The following KTN1 variants were observed in gnomAD, a reference collection of about 807,000 sequenced individuals.
KTN1 encodes kinectin.
Under a neutral mutation model 222.5 loss-of-function variants are expected in KTN1, and 130 were observed. That is an observed-to-expected ratio of 0.58 (90% confidence interval 0.51 to 0.68). KTN1 has a LOEUF of 0.68. Among genes scored for constraint, KTN1 ranks in the 30% least tolerant of loss-of-function variants. The probability of loss-of-function intolerance (pLI) is 0.00; values close to 1 mark genes in which losing one functional copy is unlikely to be tolerated. For missense variants in KTN1, 1,508 were observed against 1,500.4 expected (o/e 1.01, Z -0.08); for synonymous variants, 512 against 496.3 (o/e 1.03, Z -0.42).
At chr14:55,671,677 A>G (rs2045464080) in intron 36 of KTN1, 22 bp downstream of exon 36, 2 of 1,585,316 alleles carry the variant, frequency 1.3e-6, no homozygotes, top group East Asian at 4.5e-5. Context: ...TTTTTAATCT[A>G]CATTTTGATT....
intron 41 of KTN1, among the ~76,000 whole-genome samples, chr14:55,676,776 G>T (rs577219565): frequency 2.6e-5 from 4 of 151,314 alleles, no homozygotes; most frequent in Admixed American, 1.3e-4. Context: ...ATTTTTTTTT[G>T]ATTCTATATG....
At chr14:55,680,847 C>G in intron 43 of KTN1, 1 of 515,004 alleles carries the variant, frequency 1.9e-6, no homozygotes, top group Non-Finnish European at 3.5e-6. Flanking sequence ...CCTTGGTAAG[C>G]TGACTTCTCC....
chr14:55,607,160 G>A (rs1398197894), intron 1 of KTN1, among the ~76,000 whole-genome samples: 1 of 152,036 alleles, frequency 6.6e-6, no homozygotes, highest in Admixed American at 6.6e-5. Context: ...TTGGGTCATT[G>A]TGCCTTCTGA....
At chr14:55,625,295 G>T (rs921064229) in intron 5 of KTN1, among the ~76,000 whole-genome samples, 1 of 152,090 alleles carries the variant, frequency 6.6e-6, no homozygotes. Context: ...AACTATTATT[G>T]TAATTATTAG....
intron 10 of KTN1, among the ~76,000 whole-genome samples, chr14:55,636,767 A>T (rs2041173852): frequency 6.6e-6 from 1 of 151,994 alleles, no homozygotes; most frequent in Admixed American, 6.5e-5. Context: ...ATAGTACATG[A>T]TAGGTTAATG....
Position 55,640,983 on chromosome 14 carries a change from TTG to T in KTN1, c.2021+15_2021+16del. Reference sequence around the variant, plus strand: ...AGATGCAACAAAGGTGACTAAAGTATTGTACATCTAGTCGTTCATACATTTAT... The same window carrying T: ...AGATGCAACAAAGGTGACTAAAGTATTACATCTAGTCGTTCATACATTTAT... On this transcript the variant is annotated intron_variant, in intron 16 of 43. Transcript: ENST00000395314. The T allele has an allele frequency of 6.3e-7, 1 of 1,598,754 alleles. No individual in the cohort carries two copies. The highest frequency in any genetic ancestry group is 8.6e-7 in the Non-Finnish European group (1 of 1,166,686).
chr14:55,627,404 CTTCATT>C (rs1269274163), intron 5 of KTN1, among the ~76,000 whole-genome samples: 3 of 151,726 alleles, frequency 2.0e-5, no homozygotes, highest in Non-Finnish European at 2.9e-5. Context: ...ATGTTAGATA[CTTCATT>C]TTCATAATTT....
intron 7 of KTN1, among the ~76,000 whole-genome samples, chr14:55,631,633 G>A (rs908286008): frequency 4.0e-5 from 6 of 151,762 alleles, no homozygotes; most frequent in Admixed American, 6.6e-5. Context: ...AAATTAAAAA[G>A]TTTGCCAGGC....
chr14:55,590,810 G>A (rs139941598), intron 1 of KTN1, among the ~76,000 whole-genome samples: 244 of 152,052 alleles, frequency 1.6e-3, no homozygotes, highest in African/African-American at 5.7e-3. Flanking sequence ...TGAGTAGCTG[G>A]GATTACAGGC....
intron 42 of KTN1, 71 bp from the exon 43 acceptor site, chr14:55,679,494 T>A: frequency 7.8e-7 from 1 of 1,289,662 alleles, no homozygotes. Flanking sequence ...AATATAACAT[T>A]TTCTGTTGTT....
chr14:55,586,562 G>GA (rs2033041125), intron 1 of KTN1, among the ~76,000 whole-genome samples: 1 of 152,100 alleles, frequency 6.6e-6, no homozygotes, highest in South Asian at 2.1e-4. Context: ...TTCTGACTTA[G>GA]AGCCCATTCT....
chr14:55,615,855 TCC>T (rs1273557594), intron 2 of KTN1, among the ~76,000 whole-genome samples: 15 of 151,224 alleles, frequency 9.9e-5, no homozygotes, highest in African/African-American at 3.2e-4. Flanking sequence ...TTCCTTTCCT[TCC>T]CTTTCTTTCT....
chr14:55,616,490 TA>T (rs757489112), intron 2 of KTN1, 26 bp from the exon 3 acceptor site: 20 of 1,551,104 alleles, frequency 1.3e-5, no homozygotes, highest in African/African-American at 9.7e-5. Context: ...TTGCCACAAT[TA>T]TTTTTTTTGT....
chr14:55,610,295 T>C (rs1305572953), intron 1 of KTN1, among the ~76,000 whole-genome samples: 2 of 152,132 alleles, frequency 1.3e-5, no homozygotes, highest in Non-Finnish European at 2.9e-5. Flanking sequence ...GTATACAAAG[T>C]TGACCCTCCA....
intron 38 of KTN1, 104 bp from the exon 39 acceptor site, chr14:55,672,825 G>C (rs1255220600): frequency 4.6e-6 from 5 of 1,078,178 alleles, no homozygotes; most frequent in Non-Finnish European, 5.6e-6. Context: ...TAGTGTTTGA[G>C]TTGATATAGT....
intron 7 of KTN1, among the ~76,000 whole-genome samples, chr14:55,631,310 A>C (rs1458928758): frequency 7.0e-6 from 1 of 143,320 alleles, no homozygotes. Flanking sequence ...CAGATTTAAT[A>C]TATGTCTAAA....
At position 55,684,312 on chromosome 14, in the gene KTN1, A is replaced by G; in HGVS notation, c.*209A>G. On this transcript the variant is annotated 3_prime_UTR_variant, in exon 44 of 44. Coordinates refer to ENST00000395314, the MANE Select transcript of KTN1 (RefSeq NM_001079521.2). ...CACCTTCAGAGTTTAGTTTTATAAT[A>G]AAAACTGTTTGAATAATTAGACCTT... The G allele has an allele frequency of 2.4e-6, 1 of 420,544 alleles. No homozygotes were observed. The highest frequency in any genetic ancestry group is 4.2e-6 in the Non-Finnish European group (1 of 237,768). The allele number at this position is 420,544 out of a possible 1,614,324, so 26.1% of individuals were successfully genotyped here.
intron 10 of KTN1, among the ~76,000 whole-genome samples, 194 bp from the exon 11 acceptor site, chr14:55,637,004 T>G (rs1231693164): frequency 3.9e-5 from 6 of 152,124 alleles, no homozygotes; most frequent in Non-Finnish European, 7.4e-5. Flanking sequence ...GTACGTGTTA[T>G]GTGTATTGTT....
At chr14:55,591,581 C>CTTTTTTTTTTTTTTTT (rs71131297) in intron 1 of KTN1, among the ~76,000 whole-genome samples, 6 of 87,678 alleles carry the variant, frequency 6.8e-5, no homozygotes, top group Admixed American at 1.2e-4. Context: ...TTCTCTCTTT[C>CTTTTTTTTTTTTTTTT]TTTTTTTTTT....
Sources: allele counts gnomAD v4.1 joint callset (sites outside exome capture counted in the v4.1 genomes callset), GRCh38; gene constraint gnomAD v4.1.1; transcripts MANE v1.5; gene names NCBI Gene and HGNC (gene_info 2026-07-23, HGNC 2026-07-21).